The following CFAP47 variants were observed in gnomAD, a reference collection of about 807,000 sequenced individuals.
CFAP47 encodes cilia- and flagella-associated protein 47.
CFAP47 carries 29 observed loss-of-function variants against 148.1 expected under a neutral mutation model. The observed-to-expected ratio is 0.20, with a 90% CI of 0.15 to 0.27. The LOEUF (loss-of-function observed/expected upper bound fraction) is 0.27, where lower values mean the gene tolerates loss of function less well. CFAP47 is among the 10% of genes least tolerant of loss of function. The pLI is 1.00. For synonymous variants in CFAP47, 664 were observed against 577.3 expected, an observed-to-expected ratio of 1.15 and a Z score of -2.15; for missense variants, 1,872 against 1,697.5, an observed-to-expected ratio of 1.10 and a Z score of -1.81.
chrX:35,927,669 C>T (rs73466950), intron 2 of CFAP47, among the ~76,000 whole-genome samples: 4,115 of 109,104 alleles, frequency 0.038, 204 homozygotes, highest in African/African-American at 0.13. Flanking sequence ...TTATCACCTG[C>T]GTAGGTTCTT....
intron 15 of CFAP47, chrX:35,985,915 C>T (rs778280238): frequency 9.0e-6 from 3 of 335,143 alleles, no homozygotes; most frequent in South Asian, 8.5e-5. Context: ...CCATCATTAG[C>T]TTATTTAATC....
intron 4 of CFAP47, among the ~76,000 whole-genome samples, chrX:35,950,605 C>T (rs185721090): frequency 1.8e-3 from 203 of 110,728 alleles, no homozygotes; most frequent in Non-Finnish European, 2.1e-3. Flanking sequence ...AACTCCTGGA[C>T]TCAAGCAATT....
At chrX:35,966,836 T>A in intron 9 of CFAP47, 82 bp downstream of exon 9, 1 of 694,255 alleles carries the variant, frequency 1.4e-6, no homozygotes. Flanking sequence ...ATTGCTTAAT[T>A]ACACACGCAC....
At chrX:36,136,407 C>T (rs1939045472) in intron 33 of CFAP47, among the ~76,000 whole-genome samples, 1 of 110,493 alleles carries the variant, frequency 9.1e-6, no homozygotes, top group Admixed American at 9.7e-5. Context: ...CTGACTGATT[C>T]TCTATCAGTG....
intron 49 of CFAP47, among the ~76,000 whole-genome samples, chrX:36,276,056 A>G (rs181111552): frequency 2.4e-3 from 260 of 108,553 alleles, no homozygotes; most frequent in Non-Finnish European, 3.5e-3. Context: ...TTATATATGT[A>G]TATATATATA....
chrX:36,282,517 G>A (rs6632553), intron 50 of CFAP47, among the ~76,000 whole-genome samples: 39,070 of 110,495 alleles, frequency 0.35, 7,694 homozygotes, highest in African/African-American at 0.76. Flanking sequence ...AGGTATCCCT[G>A]ATTCTTCAGA....
At chrX:36,251,674 A>G (rs1199071757) in intron 49 of CFAP47, among the ~76,000 whole-genome samples, 1 of 111,510 alleles carries the variant, frequency 9.0e-6, no homozygotes, top group Non-Finnish European at 1.9e-5. Context: ...TATTTGTGGA[A>G]CAAATTTCTA....
intron 32 of CFAP47, among the ~76,000 whole-genome samples, chrX:36,101,964 C>T (rs1211092764): frequency 9.0e-6 from 1 of 111,125 alleles, no homozygotes; most frequent in Admixed American, 9.6e-5. Context: ...GGTGGGATAG[C>T]GCTCAATATA....
chrX:36,131,404 T>C (rs1938946711), intron 33 of CFAP47, among the ~76,000 whole-genome samples: 1 of 110,155 alleles, frequency 9.1e-6, no homozygotes, highest in Non-Finnish European at 1.9e-5. Context: ...GGGCAGGGAG[T>C]ATATGGGAAA....
chrX:35,957,070 G>A (rs749800739), intron 8 of CFAP47, among the ~76,000 whole-genome samples: 3 of 109,512 alleles, frequency 2.7e-5, no homozygotes, highest in Non-Finnish European at 5.7e-5. Context: ...TTAGCCGGGC[G>A]TGGTGGCACA....
chrX:36,085,259 C>T (rs2146776237), intron 29 of CFAP47, 55 bp from the exon 30 acceptor site: 21 of 689,510 alleles, frequency 3.0e-5, no homozygotes, highest in Admixed American at 8.7e-5. Flanking sequence ...GTTTTTTTTT[C>T]CCCCATACTA....
At chrX:36,275,834 GT>G (rs1941010409) in intron 49 of CFAP47, among the ~76,000 whole-genome samples, 1 of 110,755 alleles carries the variant, frequency 9.0e-6, no homozygotes, top group African/African-American at 3.3e-5. Flanking sequence ...GCTTTACTTT[GT>G]TGGAAGGTTT....
At chrX:36,196,778 A>T (rs1413353443) in intron 42 of CFAP47, among the ~76,000 whole-genome samples, 1 of 111,845 alleles carries the variant, frequency 8.9e-6, no homozygotes, top group Non-Finnish European at 1.9e-5. Flanking sequence ...CTAATTAAGC[A>T]TGCCAAACAG....
chrX:36,291,361 A>G (rs781795461), intron 51 of CFAP47, among the ~76,000 whole-genome samples: 1 of 112,016 alleles, frequency 8.9e-6, no homozygotes, highest in African/African-American at 3.2e-5. Context: ...GAAAGGAATA[A>G]GTCAGGTAAG....
At chrX:36,359,054 A>G (rs1455020753) in intron 60 of CFAP47, among the ~76,000 whole-genome samples, 1 of 112,214 alleles carries the variant, frequency 8.9e-6, no homozygotes, top group Non-Finnish European at 1.9e-5. Context: ...TGAGGACAAG[A>G]ATTAGACGTC....
intron 50 of CFAP47, among the ~76,000 whole-genome samples, chrX:36,281,970 A>C (rs1941083236): frequency 9.0e-6 from 1 of 111,285 alleles, no homozygotes; most frequent in South Asian, 3.8e-4. Context: ...TCCTTATAGA[A>C]GATAATGAAA....
chrX:36,297,000 T>C (rs1556006928), intron 51 of CFAP47, among the ~76,000 whole-genome samples: 1 of 111,985 alleles, frequency 8.9e-6, no homozygotes, highest in Admixed American at 9.5e-5. Context: ...CTGTAGAAGT[T>C]TAAATGCCCA....
At chrX:35,925,748 C>G (rs943105903) in intron 1 of CFAP47, among the ~76,000 whole-genome samples, 1 of 112,121 alleles carries the variant, frequency 8.9e-6, no homozygotes, top group Non-Finnish European at 1.9e-5. Flanking sequence ...TCTCCACCTT[C>G]TGGGTTCAAA....
intron 25 of CFAP47, among the ~76,000 whole-genome samples, chrX:36,040,703 G>A (rs1937393190): frequency 1.8e-5 from 2 of 111,410 alleles, no homozygotes; most frequent in South Asian, 7.4e-4. Context: ...AGTGAAAGAA[G>A]AAATTATACT....
Sources: gnomAD v4.1 joint callset for allele counts (sites outside exome capture counted in the v4.1 genomes callset) on GRCh38, gnomAD v4.1.1 for gene constraint, MANE v1.5 for transcripts, NCBI Gene and HGNC (gene_info 2026-07-23, HGNC 2026-07-21) for gene names.